CHRM2: variants seen among roughly 807,000 people sequenced by gnomAD.
CHRM2 encodes the protein muscarinic acetylcholine receptor M2.
A neutral mutation model predicts 25.0 loss-of-function variants in CHRM2; 8 were observed. That is an observed-to-expected ratio of 0.32 (90% CI 0.19 to 0.58). CHRM2 has a LOEUF of 0.58. Ranked by LOEUF, CHRM2 falls within the 20% of genes least tolerant of loss-of-function variation. CHRM2 has a pLI of 0.88. For missense variants in CHRM2, 440 were observed against 567.1 expected (o/e 0.78, Z 2.28); for synonymous variants, 202 against 205.7 (o/e 0.98, Z 0.15).
chr7:136,959,718 C>A (rs1046596418), intron 2 of CHRM2, among the ~76,000 whole-genome samples: 1 of 152,110 alleles, frequency 6.6e-6, no homozygotes, highest in Non-Finnish European at 1.5e-5. Flanking sequence ...TCGAGACCAG[C>A]CTGACCAACA....
intron 3 of CHRM2, among the ~76,000 whole-genome samples, chr7:137,002,330 G>A (rs1253139127): frequency 3.9e-5 from 6 of 152,158 alleles, no homozygotes; most frequent in African/African-American, 1.4e-4. Flanking sequence ...TTTGACATAT[G>A]AAATTTTGTT....
chr7:136,905,000 T>C (rs1214617034), intron 2 of CHRM2, among the ~76,000 whole-genome samples: 1 of 151,970 alleles, frequency 6.6e-6, no homozygotes, highest in Non-Finnish European at 1.5e-5. Context: ...AAGTGTACAG[T>C]ACTGTGATGA....
At chr7:136,882,234 A>G (rs1796293297) in intron 2 of CHRM2, among the ~76,000 whole-genome samples, 1 of 152,036 alleles carries the variant, frequency 6.6e-6, no homozygotes, top group Admixed American at 6.6e-5. Context: ...ACCTCTTCAC[A>G]TGGACCTACT....
chr7:136,892,081 C>A (rs947339437), intron 2 of CHRM2, among the ~76,000 whole-genome samples: 11 of 152,158 alleles, frequency 7.2e-5, no homozygotes, highest in Admixed American at 7.2e-4. Flanking sequence ...GTGGATGGAC[C>A]AATCACAGTG....
intron 2 of CHRM2, among the ~76,000 whole-genome samples, chr7:136,936,135 T>C (rs1322602769): frequency 1.3e-5 from 2 of 152,126 alleles, no homozygotes; most frequent in African/African-American, 4.8e-5. Context: ...ATATTTTTCA[T>C]CATCACTCTA....
At chr7:136,962,377 A>C (rs1022056615) in intron 2 of CHRM2, among the ~76,000 whole-genome samples, 1 of 152,084 alleles carries the variant, frequency 6.6e-6, no homozygotes, top group Non-Finnish European at 1.5e-5. Context: ...TCAAGTGATC[A>C]GCCTGTCTCA....
At position 136,921,794 on chromosome 7, in the gene CHRM2, C is replaced by CTTTTTTTTTTTTTTTTT. The variant is rs398006503; in HGVS notation, c.-125+52384_-125+52385insTTTTTTTTTTTTTTTTT. On this transcript the variant is annotated intron_variant, in intron 2 of 3. Transcript: ENST00000680005. ...TCTTTCTTTCTTTCTTTCTTTCTTT[C>CTTTTTTTTTTTTTTTTT]TTTTTTTTGAGACAGATTCTCACTC... Among the ~76,000 whole-genome samples, 12 of 116,628 alleles carry CTTTTTTTTTTTTTTTTT rather than the reference C, an allele frequency of 1.0e-4. 2 individuals are homozygous for CTTTTTTTTTTTTTTTTT. The highest frequency in any genetic ancestry group is 2.5e-4 in the Non-Finnish European group (12 of 48,778). 76.5% of individuals were successfully genotyped at this position (116,628 alleles called of 152,430 possible).
At chr7:136,905,825 T>C (rs1470411324) in intron 2 of CHRM2, among the ~76,000 whole-genome samples, 1 of 151,640 alleles carries the variant, frequency 6.6e-6, no homozygotes. Context: ...TTTCTCAAAA[T>C]ATTGATTGCG....
chr7:136,959,916 A>G (rs1019541596), intron 2 of CHRM2, among the ~76,000 whole-genome samples: 1 of 152,152 alleles, frequency 6.6e-6, no homozygotes, highest in Non-Finnish European at 1.5e-5. Flanking sequence ...CGTCCAAAAA[A>G]CAAAAACAAA....
At chr7:136,905,452 C>A (rs999957022) in intron 2 of CHRM2, among the ~76,000 whole-genome samples, 1 of 151,598 alleles carries the variant, frequency 6.6e-6, no homozygotes, top group Non-Finnish European at 1.5e-5. Context: ...GAATCAAATT[C>A]TGTTGGTTTT....
At chr7:136,915,526 A>C (rs1310467356) in intron 2 of CHRM2, among the ~76,000 whole-genome samples, 1 of 151,864 alleles carries the variant, frequency 6.6e-6, no homozygotes, top group African/African-American at 2.4e-5. Context: ...GAAATCAAGA[A>C]TTTTGAAGTA....
chr7:137,011,219 A>G (rs199537034), intron 3 of CHRM2, among the ~76,000 whole-genome samples: 20,097 of 106,648 alleles, frequency 0.19, 1,644 homozygotes, highest in Admixed American at 0.27. Flanking sequence ...GTGTGTGTAT[A>G]TATATATATA....
intron 2 of CHRM2, among the ~76,000 whole-genome samples, chr7:136,917,022 A>G (rs1798157351): frequency 6.6e-6 from 1 of 151,978 alleles, no homozygotes; most frequent in Admixed American, 6.6e-5. Flanking sequence ...TGACCATTGT[A>G]TTAATGATTC....
At chr7:136,995,580 T>C (rs76306402) in intron 3 of CHRM2, among the ~76,000 whole-genome samples, 3 of 151,892 alleles carry the variant, frequency 2.0e-5, no homozygotes, top group African/African-American at 7.3e-5. Flanking sequence ...CTGGACAATA[T>C]AGGGAGACCC....
intron 3 of CHRM2, among the ~76,000 whole-genome samples, chr7:137,010,105 G>C (rs1450315556): frequency 6.6e-6 from 1 of 151,900 alleles, no homozygotes; most frequent in African/African-American, 2.4e-5. Context: ...AGAAAAAGAG[G>C]GTTATTATTA....
chr7:136,973,865 C>A (rs1436792514), intron 2 of CHRM2, among the ~76,000 whole-genome samples: 1 of 151,814 alleles, frequency 6.6e-6, no homozygotes, highest in African/African-American at 2.4e-5. Flanking sequence ...TGATTTTATC[C>A]CACTGCAGAA....
At chr7:136,928,767 T>C (rs1412201938) in intron 2 of CHRM2, among the ~76,000 whole-genome samples, 1 of 152,180 alleles carries the variant, frequency 6.6e-6, no homozygotes, top group Non-Finnish European at 1.5e-5. Context: ...TGAATACCAA[T>C]GGAACCATTT....
At chr7:136,891,596 C>G (rs1384942330) in intron 2 of CHRM2, among the ~76,000 whole-genome samples, 1 of 152,130 alleles carries the variant, frequency 6.6e-6, no homozygotes, top group East Asian at 1.9e-4. Context: ...CTTTTCATGG[C>G]CTTCAATGCA....
At chr7:136,989,890 G>A (rs1259897049) in intron 2 of CHRM2, among the ~76,000 whole-genome samples, 2 of 152,016 alleles carry the variant, frequency 1.3e-5, no homozygotes, top group African/African-American at 2.4e-5. Context: ...CTTAAGCAGA[G>A]CGCATACGTT....
Sources: allele counts gnomAD v4.1 joint callset (sites outside exome capture counted in the v4.1 genomes callset), GRCh38; gene constraint gnomAD v4.1.1; transcripts MANE v1.5; gene names NCBI Gene and HGNC (gene_info 2026-07-23, HGNC 2026-07-21).